The following DNAAF19 variants were observed in gnomAD, a reference collection of about 807,000 sequenced individuals.
DNAAF19 encodes dynein axonemal assembly factor 19.
chr17:44,903,039 G>T, the DNAAF19 span: 1 of 1,395,156 alleles, frequency 7.2e-7, no homozygotes, highest in South Asian at 1.7e-5. Context: ...AAGAGCTCAG[G>T]AAGTTGAGAG....
At chr17:44,904,848 G>A in the DNAAF19 span, 140 of 1,550,504 alleles carry the variant, frequency 9.0e-5, no homozygotes, top group Middle Eastern at 1.7e-4. Flanking sequence ...CTGGATGACC[G>A]GGGCATCTAC....
At chr17:44,903,094 C>G in the DNAAF19 span, 4 of 1,342,782 alleles carry the variant, frequency 3.0e-6, no homozygotes, top group Non-Finnish European at 3.8e-6. Context: ...CTCTAGCCCA[C>G]TGGCCTTGAG....
At chr17:44,903,946 A>C in the DNAAF19 span, 1 of 1,550,546 alleles carries the variant, frequency 6.4e-7, no homozygotes, top group Non-Finnish European at 8.7e-7. Context: ...TGATGTTTGA[A>C]AATGCAGCCT....
At chr17:44,900,242 G>C in the DNAAF19 span, among the ~76,000 whole-genome samples, 1 of 150,536 alleles carries the variant, frequency 6.6e-6, no homozygotes, top group Admixed American at 6.6e-5. Flanking sequence ...GTTGCAATGA[G>C]CCAAGATCGC....
At chr17:44,904,144 C>T in the DNAAF19 span, 3 of 1,550,390 alleles carry the variant, frequency 1.9e-6, no homozygotes, top group Non-Finnish European at 2.6e-6. Context: ...GCTTCAGCAT[C>T]CGCATGTTCA....
At chr17:44,904,637 C>T in the DNAAF19 span, 5 of 1,550,408 alleles carry the variant, frequency 3.2e-6, no homozygotes, top group Non-Finnish European at 2.6e-6. Context: ...GCCCTGGGTG[C>T]CCCAGGTGCC....
the DNAAF19 span, among the ~76,000 whole-genome samples, chr17:44,900,257 C>T: frequency 1.3e-5 from 2 of 148,242 alleles, no homozygotes; most frequent in Non-Finnish European, 3.0e-5. Context: ...GATCGCGCCA[C>T]TGCACTCCAG....
At chr17:44,903,120 C>T in the DNAAF19 span, 2 of 1,290,386 alleles carry the variant, frequency 1.5e-6, no homozygotes, top group South Asian at 5.8e-5. Flanking sequence ...AGTGTGTGCC[C>T]AACCAAATGC....
chr17:44,900,262 C>A, the DNAAF19 span, among the ~76,000 whole-genome samples: 1 of 145,062 alleles, frequency 6.9e-6, no homozygotes, highest in Admixed American at 7.1e-5. Context: ...CGCCACTGCA[C>A]TCCAGCCTGG....
At chr17:44,903,846 C>T in the DNAAF19 span, 8 of 1,546,426 alleles carry the variant, frequency 5.2e-6, no homozygotes, top group Non-Finnish European at 7.0e-6. Context: ...CTGGCCCTCA[C>T]CACTGTGCTC....
chr17:44,901,110 G>C, the DNAAF19 span: 3 of 1,608,182 alleles, frequency 1.9e-6, no homozygotes, highest in African/African-American at 4.0e-5. Flanking sequence ...ACGGGCAGTG[G>C]AACAGAGGGT....
the DNAAF19 span, chr17:44,902,680 C>G: frequency 1.2e-6 from 2 of 1,614,152 alleles, no homozygotes; most frequent in Non-Finnish European, 1.7e-6. Flanking sequence ...GTTTCAGAAG[C>G]TGCAAGCCAT....
chr17:44,904,649 AT>A, the DNAAF19 span: 11 of 1,550,564 alleles, frequency 7.1e-6, no homozygotes, highest in Non-Finnish European at 8.7e-6. Context: ...CCAGGTGCCC[AT>A]TCAGTTCCAC....
the DNAAF19 span, chr17:44,901,105 C>A: frequency 6.2e-7 from 1 of 1,607,262 alleles, no homozygotes; most frequent in African/African-American, 1.3e-5. Flanking sequence ...AAGTTACGGG[C>A]AGTGGAACAG....
At chr17:44,903,962 G>T in the DNAAF19 span, 1 of 1,550,608 alleles carries the variant, frequency 6.4e-7, no homozygotes, top group Non-Finnish European at 8.7e-7. Context: ...AGCCTACCTG[G>T]CCGACATGAG....
At chr17:44,903,428 T>TG in the DNAAF19 span, 2 of 1,252,282 alleles carry the variant, frequency 1.6e-6, no homozygotes, top group South Asian at 3.7e-5. Flanking sequence ...CCCAGGTTGA[T>TG]GAAAGACTTT....
the DNAAF19 span, chr17:44,903,906 T>C: frequency 4.5e-6 from 7 of 1,550,562 alleles, no homozygotes; most frequent in Non-Finnish European, 6.1e-6. Flanking sequence ...AAGGAAAACA[T>C]TTTTCAGAGG....
At chr17:44,904,084 G>A in the DNAAF19 span, 1 of 1,550,636 alleles carries the variant, frequency 6.4e-7, no homozygotes, top group Non-Finnish European at 8.7e-7. Context: ...TTGATGGGCG[G>A]GTGCTGACGG....
At chr17:44,903,523 G>A in the DNAAF19 span, 2 of 1,286,758 alleles carry the variant, frequency 1.6e-6, no homozygotes, top group Non-Finnish European at 9.8e-7. Context: ...TCTCATTCCG[G>A]TTTCCTTTGA....
Sources: allele counts gnomAD v4.1 joint callset (sites outside exome capture counted in the v4.1 genomes callset), GRCh38; gene constraint gnomAD v4.1.1; transcripts MANE v1.5; gene names NCBI Gene and HGNC (gene_info 2026-07-23, HGNC 2026-07-21).